Variants in MCTP2 observed in about 807,000 individuals in gnomAD.
MCTP2 encodes multiple C2 and transmembrane domain containing 2.
In MCTP2, 132 loss-of-function variants were observed where a neutral mutation model predicts 111.6. That is an observed-to-expected ratio of 1.18 (90% CI 1.03 to 1.37). MCTP2 has a LOEUF of 1.37. MCTP2 is among the 40% of genes most tolerant of loss of function. MCTP2 has a pLI of 0.00. For missense variants in MCTP2, 1,183 were observed against 1,067.9 expected (o/e 1.11, Z -1.50); for synonymous variants, 395 against 387.7 (o/e 1.02, Z -0.22).
chr15:94,235,369 C>T (rs1273372404), intron 1 of MCTP2, among the ~76,000 whole-genome samples: 1 of 152,122 alleles, frequency 6.6e-6, no homozygotes, highest in Non-Finnish European at 1.5e-5. Context: ...TGCACGTTCT[C>T]AGGCACCCCG....
intron 14 of MCTP2, among the ~76,000 whole-genome samples, chr15:94,391,072 G>T (rs1381907577): frequency 1.3e-5 from 2 of 152,078 alleles, no homozygotes; most frequent in East Asian, 3.9e-4. Flanking sequence ...TTCTGTGTGA[G>T]CCAGGCCAAT....
chr15:94,353,121 TG>T (rs2078402634), intron 8 of MCTP2, among the ~76,000 whole-genome samples: 1 of 152,234 alleles, frequency 6.6e-6, no homozygotes, highest in South Asian at 2.1e-4. Flanking sequence ...GAAAAAATCC[TG>T]GACAGCAGAG....
At chr15:94,406,620 T>C (rs1372456264) in intron 17 of MCTP2, among the ~76,000 whole-genome samples, 1 of 152,156 alleles carries the variant, frequency 6.6e-6, no homozygotes, top group Non-Finnish European at 1.5e-5. Flanking sequence ...AAGCCAAACA[T>C]GGAAATGCCC....
intron 20 of MCTP2, among the ~76,000 whole-genome samples, chr15:94,460,460 T>C (rs909790770): frequency 8.6e-5 from 13 of 151,718 alleles, no homozygotes; most frequent in Admixed American, 2.0e-4. Flanking sequence ...CTTGAGGAGA[T>C]GGAAAAAGTC....
intron 4 of MCTP2, among the ~76,000 whole-genome samples, chr15:94,336,301 C>T (rs1453987022): frequency 1.3e-5 from 2 of 152,192 alleles, no homozygotes; most frequent in African/African-American, 4.8e-5. Context: ...CCTCCACTGG[C>T]ACTCCAGCTG....
chr15:94,313,101 T>G (rs1028341584), intron 2 of MCTP2, among the ~76,000 whole-genome samples: 1 of 152,170 alleles, frequency 6.6e-6, no homozygotes, highest in African/African-American at 2.4e-5. Context: ...TCCAGTCGTC[T>G]TTGGAGGGGA....
chr15:94,243,643 A>G (rs1235218627), intron 1 of MCTP2, among the ~76,000 whole-genome samples: 3 of 139,312 alleles, frequency 2.2e-5, no homozygotes, highest in African/African-American at 8.0e-5. Flanking sequence ...GTATATACAT[A>G]TATATGTATA....
chr15:94,303,133 A>T lies in MCTP2; in HGVS notation c.465+4403A>T, dbSNP rs915853596. On this transcript the variant is annotated intron_variant, in intron 2 of 22. Coordinates refer to ENST00000357742, the MANE Select transcript of MCTP2 (RefSeq NM_001385001.1). ...TATATATAGTTTATATATATAGTTT[A>T]TATATATATATATATAGTTCTGTCT... Among the ~76,000 whole-genome samples, 4 of 143,544 alleles carry T rather than the reference A, an allele frequency of 2.8e-5. No individual in the cohort carries two copies. The South Asian group carries it at 8.5e-4, about 31-fold the overall frequency. 94.2% of individuals were successfully genotyped at this position (143,544 alleles called of 152,430 possible).
chr15:94,379,489 G>T (rs2079977220), intron 12 of MCTP2, among the ~76,000 whole-genome samples: 1 of 151,900 alleles, frequency 6.6e-6, no homozygotes, highest in African/African-American at 2.4e-5. Flanking sequence ...TTAGTTTCAG[G>T]AATTGTGTTG....
chr15:94,276,508 C>T (rs2152307106), intron 1 of MCTP2, among the ~76,000 whole-genome samples: 1 of 151,936 alleles, frequency 6.6e-6, no homozygotes, highest in East Asian at 1.9e-4. Context: ...CTAAGTCTTT[C>T]TTTGCTGAAA....
At chr15:94,430,744 T>G (rs922308259) in intron 17 of MCTP2, among the ~76,000 whole-genome samples, 1 of 151,922 alleles carries the variant, frequency 6.6e-6, no homozygotes, top group African/African-American at 2.4e-5. Context: ...AGAGTGAGAC[T>G]ACGTCTCAAA....
At chr15:94,292,087 T>C (rs2075058155) in intron 1 of MCTP2, among the ~76,000 whole-genome samples, 1 of 151,950 alleles carries the variant, frequency 6.6e-6, no homozygotes, top group Admixed American at 6.6e-5. Context: ...GAGAAATAAA[T>C]CATAAAGACA....
intron 7 of MCTP2, chr15:94,343,210 T>G (rs1011243434): frequency 1.4e-4 from 22 of 152,202 alleles, no homozygotes; most frequent in Middle Eastern, 3.4e-3. Flanking sequence ...ACAGTGCATA[T>G]TGGGAGCCTT....
intron 1 of MCTP2, among the ~76,000 whole-genome samples, chr15:94,235,789 G>C (rs2070496528): frequency 6.6e-6 from 1 of 152,212 alleles, no homozygotes; most frequent in South Asian, 2.1e-4. Context: ...AGCACAGGCT[G>C]TCTGGTTTTA....
At chr15:94,254,224 A>G (rs113526450) in intron 1 of MCTP2, among the ~76,000 whole-genome samples, 4 of 152,260 alleles carry the variant, frequency 2.6e-5, no homozygotes, top group African/African-American at 9.6e-5. Context: ...ATGCACTAAT[A>G]ATTATTATAC....
At chr15:94,274,951 G>T (rs978624071) in intron 1 of MCTP2, among the ~76,000 whole-genome samples, 1 of 152,174 alleles carries the variant, frequency 6.6e-6, no homozygotes, top group African/African-American at 2.4e-5. Flanking sequence ...GTAGAACTTA[G>T]TCTGATATAT....
At chr15:94,444,164 T>G (rs1244880417) in intron 19 of MCTP2, among the ~76,000 whole-genome samples, 1 of 152,032 alleles carries the variant, frequency 6.6e-6, no homozygotes, top group African/African-American at 2.4e-5. Context: ...TTTAGGGAAA[T>G]ATTTTCTTAT....
chr15:94,475,337 C>T lies in MCTP2; in HGVS notation c.2471-1359C>T, dbSNP rs1596866673. ...ACCGCCAAGCCACCATTTACTCGGG[C>T]ACAATGGCTGGCTCCCATTTGCAAA... On this transcript the variant is annotated intron_variant, in intron 21 of 22. Transcript: ENST00000357742. 4.6e-5 allele frequency among the ~76,000 whole-genome samples: 7 copies of T among 152,192 alleles called. No individual in the cohort carries two copies. In the South Asian group the frequency reaches 1.4e-3, roughly 31 times the overall value.
At chr15:94,392,652 A>C (rs1567609588) in intron 14 of MCTP2, among the ~76,000 whole-genome samples, 1 of 151,732 alleles carries the variant, frequency 6.6e-6, no homozygotes. Flanking sequence ...GTTTTCTACT[A>C]AGAATGCAAA....
Sources: allele counts gnomAD v4.1 joint callset (sites outside exome capture counted in the v4.1 genomes callset), GRCh38; gene constraint gnomAD v4.1.1; transcripts MANE v1.5; gene names NCBI Gene and HGNC (gene_info 2026-07-23, HGNC 2026-07-21).